Variants in ATP8A2 observed in about 807,000 individuals in gnomAD.
ATP8A2 encodes ATPase phospholipid transporting 8A2.
ATP8A2 carries 100 observed loss-of-function variants against 165.6 expected under a neutral mutation model. The ratio of observed to expected loss-of-function variants is 0.60; its 90% CI spans 0.51 to 0.71. ATP8A2 has a LOEUF of 0.71. Ranked by LOEUF, ATP8A2 falls within the 30% of genes least tolerant of loss-of-function variation. The pLI, the probability that ATP8A2 is intolerant of heterozygous loss-of-function variation, is 0.00. For missense variants in ATP8A2, 1,227 were observed against 1,479.5 expected (o/e 0.83, Z 2.80); for synonymous variants, 543 against 548.8 (o/e 0.99, Z 0.15).
At chr13:25,891,821 A>G (rs1953371761) in intron 33 of ATP8A2, among the ~76,000 whole-genome samples, 1 of 152,162 alleles carries the variant, frequency 6.6e-6, no homozygotes, top group Non-Finnish European at 1.5e-5. Flanking sequence ...AAAGCAGGCC[A>G]AACAAGATTT....
chr13:25,991,700 T>C (rs952444212), intron 35 of ATP8A2, among the ~76,000 whole-genome samples: 1 of 152,200 alleles, frequency 6.6e-6, no homozygotes, highest in East Asian at 1.9e-4. Flanking sequence ...TGCTGAGTAA[T>C]ATTCCACCCA....
intron 28 of ATP8A2, 140 bp downstream of exon 28, chr13:25,828,332 T>C (rs1951372573): frequency 1.4e-6 from 1 of 736,018 alleles, no homozygotes; most frequent in Admixed American, 2.3e-5. Flanking sequence ...CTTTGGGCCC[T>C]TTGTTGCTGT....
intron 2 of ATP8A2, among the ~76,000 whole-genome samples, chr13:25,498,595 C>T (rs555028302): frequency 1.1e-3 from 163 of 152,214 alleles, no homozygotes; most frequent in African/African-American, 3.7e-3. Flanking sequence ...TACCCTACCT[C>T]GGCCAAGCTC....
At chr13:25,913,293 C>G (rs1391101807) in intron 33 of ATP8A2, among the ~76,000 whole-genome samples, 1 of 152,138 alleles carries the variant, frequency 6.6e-6, no homozygotes. Context: ...AATATCCAAA[C>G]ACCTCAAAAA....
chr13:25,617,425 C>T (rs534896240), intron 24 of ATP8A2, among the ~76,000 whole-genome samples: 4 of 152,272 alleles, frequency 2.6e-5, no homozygotes, highest in East Asian at 3.9e-4. Flanking sequence ...TTTGTCATTT[C>T]GTTGAATCCA....
intron 24 of ATP8A2, among the ~76,000 whole-genome samples, chr13:25,689,517 A>G (rs966613894): frequency 6.6e-6 from 1 of 152,226 alleles, no homozygotes; most frequent in Non-Finnish European, 1.5e-5. Context: ...TGGGCCCTTT[A>G]TAATTTTTCC....
intron 33 of ATP8A2, among the ~76,000 whole-genome samples, chr13:25,905,429 T>A (rs1469923135): frequency 2.0e-5 from 3 of 152,134 alleles, no homozygotes; most frequent in Non-Finnish European, 4.4e-5. Flanking sequence ...TCTCTCTCTC[T>A]CTCTCTTACT....
chr13:25,465,715 C>CTTTCTTTCT lies in ATP8A2; in HGVS notation c.77-3259_77-3251dup, dbSNP rs1555274903. On this transcript the variant is annotated intron_variant, in intron 1 of 36. Transcript: ENST00000381655. The stretch of plus-strand genomic sequence containing the variant: ...TCTTTCTTTCTTTCTTTCTTTCTTT[C>CTTTCTTTCT]TTTCTTTCTTTCTTTCTTTCTTTCC... Among the ~76,000 whole-genome samples the CTTTCTTTCT allele has an allele frequency of 7.3e-4, 31 of 42,344 alleles. 3 individuals are homozygous for CTTTCTTTCT. Among genetic ancestry groups the CTTTCTTTCT allele is most frequent in the African/African-American group, 1.4e-3 (15 of 10,962 alleles). 27.8% of individuals were successfully genotyped at this position (42,344 alleles called of 152,430 possible).
intron 33 of ATP8A2, among the ~76,000 whole-genome samples, chr13:25,870,175 G>A (rs559812268): frequency 3.3e-5 from 5 of 152,286 alleles, no homozygotes; most frequent in Admixed American, 6.5e-5. Context: ...CGGCGCGCGG[G>A]TGCCTGTCCG....
At position 25,530,569 on chromosome 13, in the gene ATP8A2, C is replaced by G. The variant is rs199883588; in HGVS notation, c.329C>G (p.Pro110Arg). Reference sequence around the variant, plus strand: ...TGGTCTCTTATCTTCCAGCAAATTCCAGATGTATCTCCAACAGGAAGATAT... The same window carrying G: ...TGGTCTCTTATCTTCCAGCAAATTCGAGATGTATCTCCAACAGGAAGATAT... The part of the protein sequence containing the change: ...FLFIALLQQI[P>R]DVSPTGRYTT... Residue 110 changes from proline to arginine, a missense_variant, in exon 4 of 37, where the codon CCA (proline) becomes CGA (arginine). Transcript: ENST00000381655. 9 of 1,572,084 alleles carry G rather than the reference C, an allele frequency of 5.7e-6. No individual in the cohort carries two copies. In the Admixed American group the frequency reaches 1.6e-4, roughly 28 times the overall value.
Position 25,964,680 on chromosome 13 carries a change from TTC to T in ATP8A2, c.3272+3018_3272+3019del, listed in dbSNP as rs531318261. ...ACGATATCTGTGATGCACCTTGGGG[TTC>T]CCAGAAAGGGTGTGTATTTGAGAGT... On this transcript the variant is annotated intron_variant, in intron 34 of 36. Coordinates refer to ENST00000381655, the MANE Select transcript of ATP8A2 (RefSeq NM_016529.6). Among the ~76,000 whole-genome samples the T allele has an allele frequency of 1.2e-4, 19 of 152,288 alleles. 1 individual carries two copies. In the East Asian group the frequency reaches 3.7e-3, roughly 29 times the overall value.
intron 16 of ATP8A2, among the ~76,000 whole-genome samples, chr13:25,565,034 GTTAAT>G (rs1327068268): frequency 2.6e-5 from 4 of 152,240 alleles, no homozygotes; most frequent in African/African-American, 9.6e-5. Context: ...TGCAAATGCT[GTTAAT>G]TCATTCATTT....
At chr13:25,899,245 G>C (rs1454685050) in intron 33 of ATP8A2, among the ~76,000 whole-genome samples, 1 of 152,222 alleles carries the variant, frequency 6.6e-6, no homozygotes, top group African/African-American at 2.4e-5. Flanking sequence ...CTGAGTGCTG[G>C]AGCTCTGTAG....
At chr13:25,768,640 T>C (rs574870948) in intron 25 of ATP8A2, among the ~76,000 whole-genome samples, 2 of 152,166 alleles carry the variant, frequency 1.3e-5, no homozygotes, top group African/African-American at 4.8e-5. Context: ...CAGCCCTAGG[T>C]TGTATATGAT....
chr13:25,483,070 G>A (rs924046882), intron 2 of ATP8A2, among the ~76,000 whole-genome samples: 1 of 152,234 alleles, frequency 6.6e-6, no homozygotes, highest in African/African-American at 2.4e-5. Flanking sequence ...GTGATAGATA[G>A]TACTTGGGTT....
At chr13:25,848,811 A>G (rs1045915077) in intron 30 of ATP8A2, among the ~76,000 whole-genome samples, 2 of 152,202 alleles carry the variant, frequency 1.3e-5, no homozygotes, top group African/African-American at 4.8e-5. Flanking sequence ...TCATGAATTC[A>G]TAGTGTCGGA....
intron 28 of ATP8A2, among the ~76,000 whole-genome samples, chr13:25,829,167 A>C (rs899598689): frequency 6.6e-6 from 1 of 152,216 alleles, no homozygotes; most frequent in African/African-American, 2.4e-5. Flanking sequence ...TGTAGCTTGC[A>C]GGTTAAGAGG....
At chr13:25,397,327 C>G (rs2033462652) in intron 1 of ATP8A2, among the ~76,000 whole-genome samples, 1 of 152,182 alleles carries the variant, frequency 6.6e-6, no homozygotes, top group Non-Finnish European at 1.5e-5. Flanking sequence ...CATCAATATA[C>G]TGATATTTTT....
chr13:25,927,237 T>C, intron 33 of ATP8A2: 1 of 456,760 alleles, frequency 2.2e-6, no homozygotes, highest in Non-Finnish European at 4.4e-6. Flanking sequence ...CACTGGAAAC[T>C]GCATCTGACA....
Sources: gnomAD v4.1 joint callset for allele counts (sites outside exome capture counted in the v4.1 genomes callset) on GRCh38, gnomAD v4.1.1 for gene constraint, MANE v1.5 for transcripts, NCBI Gene and HGNC (gene_info 2026-07-23, HGNC 2026-07-21) for gene names.